SLC3A2: variants seen among roughly 807,000 people sequenced by gnomAD.
The protein encoded by SLC3A2 is amino acid transporter heavy chain SLC3A2.
SLC3A2 carries 32 observed loss-of-function variants against 48.5 expected under a neutral mutation model. The observed-to-expected ratio is 0.66, with a 90% CI of 0.50 to 0.89. The LOEUF is 0.89. Ranked by LOEUF, SLC3A2 falls within the 40% of genes least tolerant of loss-of-function variation. The pLI is 0.00. For synonymous variants in SLC3A2, 277 were observed against 288.8 expected, an observed-to-expected ratio of 0.96 and a Z score of 0.41; for missense variants, 587 against 680.7, an observed-to-expected ratio of 0.86 and a Z score of 1.53.
chr11:62,864,374 C>T (rs1352222295), intron 1 of SLC3A2, among the ~76,000 whole-genome samples: 1 of 152,046 alleles, frequency 6.6e-6, no homozygotes, highest in African/African-American at 2.4e-5. Context: ...CTGCAACTTC[C>T]ACCTTCCGAG....
chr11:62,881,815 G>A lies in SLC3A2; in HGVS notation c.425-78G>A. 1.3e-6 allele frequency: 2 copies of A among 1,523,180 alleles called. No homozygotes were observed. The highest frequency in any genetic ancestry group is 1.8e-6 in the Non-Finnish European group (2 of 1,115,464). The allele number at this position is 1,523,180 out of a possible 1,614,324, so 94.4% of individuals were successfully genotyped here. The stretch of plus-strand genomic sequence containing the variant: ...TTGCCCCCTCCCCGTCCCACCCTTA[G>A]GCGCTGGGAGAAGGGAGGGTGGGGA... On this transcript the variant is annotated intron_variant, in intron 1 of 8. Coordinates refer to ENST00000338663, the MANE Select transcript of SLC3A2 (RefSeq NM_001013251.3). The surrounding 1 kb of genome is among the most constrained non-coding windows in gnomAD (Gnocchi z 4.0).
At chr11:62,886,694 A>G (rs967185702) in intron 7 of SLC3A2, 1 of 151,870 alleles carries the variant, frequency 6.6e-6, no homozygotes, top group African/African-American at 2.4e-5. Flanking sequence ...GGTTCAAGTG[A>G]TACTCCTGCC....
intron 1 of SLC3A2, among the ~76,000 whole-genome samples, chr11:62,858,428 A>T (rs1236030617): frequency 6.6e-6 from 1 of 152,116 alleles, no homozygotes. Flanking sequence ...TGAATTTAAA[A>T]TTTTTTGGCC....
chr11:62,881,797 C>T lies in SLC3A2; in HGVS notation c.425-96C>T. The T allele has an allele frequency of 3.5e-6, 5 of 1,436,420 alleles. No individual in the cohort carries two copies. Among genetic ancestry groups the T allele is most frequent in the Non-Finnish European group, 4.8e-6 (5 of 1,050,524 alleles). 89.0% of individuals were successfully genotyped at this position (1,436,420 alleles called of 1,614,324 possible). A position where few individuals can be genotyped will look rare whatever the true frequency, so the allele number is the denominator to read the frequency against. On this transcript the variant is annotated intron_variant, in intron 1 of 8. Transcript: ENST00000338663. The surrounding 1 kb of genome is among the most constrained non-coding windows in gnomAD (Gnocchi z 4.0). ...GCCTCCCTCTCTCCCCCTTTGCCCCCTCCCCGTCCCACCCTTAGGCGCTGG... is the reference window on the plus strand; with the variant it reads ...GCCTCCCTCTCTCCCCCTTTGCCCCTTCCCCGTCCCACCCTTAGGCGCTGG...
intron 3 of SLC3A2, chr11:62,884,162 C>T: frequency 1.8e-6 from 1 of 544,084 alleles, no homozygotes; most frequent in South Asian, 1.9e-5. Flanking sequence ...TGTTTATGGA[C>T]ATACCTTTTC....
upstream of SLC3A2, among the ~76,000 whole-genome samples, chr11:62,878,660 GT>G (rs1248572390): frequency 7.4e-6 from 1 of 135,480 alleles, no homozygotes; most frequent in Non-Finnish European, 1.6e-5. Context: ...TGCATTTTTA[GT>G]AGAGACGGGG....
chr11:62,871,174 G>T (rs573936554), intron 1 of SLC3A2, among the ~76,000 whole-genome samples: 102 of 150,796 alleles, frequency 6.8e-4, no homozygotes, highest in African/African-American at 2.4e-3. Context: ...GAGCCATTGC[G>T]CCCGGCCTGA....
At chr11:62,882,587 C>T (rs954777199) in intron 2 of SLC3A2, 3 of 316,552 alleles carry the variant, frequency 9.5e-6, no homozygotes, top group African/African-American at 4.3e-5. Context: ...AGGGTTCAAG[C>T]GATTCTCGTG....
At chr11:62,858,987 G>A (rs901313926) in intron 1 of SLC3A2, among the ~76,000 whole-genome samples, 8 of 152,136 alleles carry the variant, frequency 5.3e-5, no homozygotes, top group East Asian at 1.9e-4. Context: ...ACGGGCAGGA[G>A]ACAGATGCCT....
At chr11:62,866,873 T>G (rs1333520456) in intron 1 of SLC3A2, among the ~76,000 whole-genome samples, 1 of 152,246 alleles carries the variant, frequency 6.6e-6, no homozygotes, top group Non-Finnish European at 1.5e-5. Context: ...CCATGAATGC[T>G]GTGGTTCTAC....
intron 1 of SLC3A2, among the ~76,000 whole-genome samples, chr11:62,868,203 T>C (rs999187331): frequency 1.3e-5 from 2 of 152,076 alleles, no homozygotes; most frequent in African/African-American, 4.8e-5. Flanking sequence ...ATTACAGGTG[T>C]GAGCCACCAC....
Position 62,881,359 on chromosome 11 carries a change from A to C in SLC3A2, c.336A>C (p.Leu112=). The change falls in exon 1 of 9, where the codon CTA becomes CTC. Residue 112 remains leucine (L), a synonymous_variant. Transcript: ENST00000338663. This position sits in a 1 kb window ranked among gnomAD's most constrained non-coding sequence, Gnocchi z 4.0. ...IIVRAPRCRE[L]PAQKWWHTGA... The stretch of plus-strand genomic sequence containing the variant: ...TGCGAGCGCCGCGTTGTCGCGAGCT[A>C]CCGGCGCAGAAGTGGTGGCACACGG... The C allele has an allele frequency of 6.3e-7, 1 of 1,596,956 alleles. No individual in the cohort carries two copies. Among genetic ancestry groups the C allele is most frequent in the South Asian group, 1.1e-5 (1 of 89,654 alleles).
At position 62,884,653 on chromosome 11, in the gene SLC3A2, G is replaced by T; in HGVS notation, c.781G>T (p.Glu261Ter). The T allele has an allele frequency of 6.2e-7, 1 of 1,609,528 alleles. No homozygotes were observed. The highest frequency in any genetic ancestry group is 1.1e-5 in the South Asian group (1 of 90,850). Residue 261 changes from glutamate to a stop codon, truncating the protein, a stop_gained, in exon 5 of 9, where the codon GAG (glutamate) becomes TAG (stop). Coordinates refer to ENST00000338663, the MANE Select transcript of SLC3A2 (RefSeq NM_001013251.3). LOFTEE classifies it high-confidence loss of function. ...NLKDASSFLA[E>*]WQNITKGFSE... ...CTAGGATGCATCCTCATTCTTGGCT[G>T]AGTGGCAAAATATCACCAAGGGCTT... is the stretch of plus-strand genomic sequence containing the variant.
At chr11:62,886,116 C>A (rs1176498146) in intron 7 of SLC3A2, among the ~76,000 whole-genome samples, 1 of 152,008 alleles carries the variant, frequency 6.6e-6, no homozygotes, top group Non-Finnish European at 1.5e-5. Context: ...AGGGTGAAAC[C>A]CAGTCTCTAC....
At chr11:62,887,858 T>G in intron 7 of SLC3A2, 2 of 326,546 alleles carry the variant, frequency 6.1e-6, no homozygotes, top group South Asian at 3.8e-5. Context: ...AGTGGTGGAG[T>G]CATGGCTCAC....
At chr11:62,867,795 CATT>C (rs1406695106) in intron 1 of SLC3A2, among the ~76,000 whole-genome samples, 1 of 151,842 alleles carries the variant, frequency 6.6e-6, no homozygotes, top group Non-Finnish European at 1.5e-5. Flanking sequence ...TTTTCTTTAA[CATT>C]ATGTTTTTGA....
rs780224555 is a variant in SLC3A2, at chr11:62,881,215, C to A, written c.192C>A (p.Ser64=). 3 of 1,588,590 alleles carry A rather than the reference C, an allele frequency of 1.9e-6. No homozygotes were observed. In the Admixed American group the frequency reaches 5.6e-5, roughly 30 times the overall value. Residue 64 remains serine, a synonymous_variant, in exon 1 of 9, where the codon TCC becomes TCA. Transcript: ENST00000338663. This position sits in a 1 kb window ranked among gnomAD's most constrained non-coding sequence, Gnocchi z 4.0. The part of the protein sequence containing the change: ...AAAAAKFTGL[S]KEELLKVAGS... ...CCGCGGCTAAGTTCACGGGCCTGTC[C>A]AAGGAGGAGCTGCTGAAGGTGGCAG...
At chr11:62,867,084 A>G (rs936546292) in intron 1 of SLC3A2, among the ~76,000 whole-genome samples, 7 of 151,486 alleles carry the variant, frequency 4.6e-5, no homozygotes. Context: ...TCCGCCTCCC[A>G]GGTTCAAGTG....
intron 1 of SLC3A2, among the ~76,000 whole-genome samples, chr11:62,858,882 G>A (rs1459883920): frequency 5.9e-5 from 9 of 152,206 alleles, no homozygotes; most frequent in Non-Finnish European, 1.3e-4. Flanking sequence ...ATTGCTGCCC[G>A]CAGATCCCAC....
Sources: gnomAD v4.1 joint callset for allele counts (sites outside exome capture counted in the v4.1 genomes callset) on GRCh38, gnomAD v4.1.1 for gene constraint, Gnocchi (gnomAD v3.1) non-coding constraint, MANE v1.5 for transcripts, NCBI Gene and HGNC (gene_info 2026-07-23, HGNC 2026-07-21) for gene names.